Variants in ABR observed in about 807,000 individuals in gnomAD.
The protein encoded by ABR is ABR activator of RhoGEF and GTPase, also known as active breakpoint cluster region-related protein.
ABR carries 35 observed loss-of-function variants against 107.2 expected under a neutral mutation model. The ratio of observed to expected loss-of-function variants is 0.33; its 90% CI spans 0.25 to 0.43. ABR has a LOEUF of 0.43. ABR is among the 20% of genes least tolerant of loss of function. The pLI is 1.00. For missense variants in ABR, 815 were observed against 1,115.2 expected (o/e 0.73, Z 3.83); for synonymous variants, 498 against 462.0 (o/e 1.08, Z -1.00).
intron 1 of ABR, among the ~76,000 whole-genome samples, chr17:1,197,176 G>A (rs2042586957): frequency 6.6e-6 from 1 of 151,712 alleles, no homozygotes; most frequent in Non-Finnish European, 1.5e-5. Context: ...CCCAGGCTCG[G>A]ATGAGCATTG....
chr17:1,202,512 C>T (rs767752523), intron 1 of ABR, among the ~76,000 whole-genome samples: 9 of 152,324 alleles, frequency 5.9e-5, no homozygotes, highest in Admixed American at 1.3e-4. Flanking sequence ...CGTGCCCACT[C>T]ATGATGAAGT....
At position 1,113,277 on chromosome 17, in the gene ABR, G is replaced by GGTTTTTTTTTTTTTTTTTTTTTTT. The variant is rs1416563541; in HGVS notation, c.246+11905_246+11906insAAAAAAAAAAAAAAAAAAAAAAAC. Among the ~76,000 whole-genome samples, 44 of 88,172 alleles carry GGTTTTTTTTTTTTTTTTTTTTTTT rather than the reference G, an allele frequency of 5.0e-4. 20 individuals carry two copies. Among genetic ancestry groups the GGTTTTTTTTTTTTTTTTTTTTTTT allele is most frequent in the Non-Finnish European group, 3.4e-4 (16 of 46,544 alleles). 57.8% of individuals were successfully genotyped at this position (88,172 alleles called of 152,430 possible). A position where few individuals can be genotyped will look rare whatever the true frequency, so the allele number is the denominator to read the frequency against. On this transcript the variant is annotated intron_variant, in intron 2 of 22. Coordinates refer to ENST00000302538, the MANE Select transcript of ABR (RefSeq NM_021962.5). Reference sequence around the variant, plus strand: ...GGGATAACATGGAAACACCTATTGCGATTTTTTTTTTTTTTTTTTTTTTTT... The same window carrying GGTTTTTTTTTTTTTTTTTTTTTTT: ...GGGATAACATGGAAACACCTATTGCGGTTTTTTTTTTTTTTTTTTTTTTTATTTTTTTTTTTTTTTTTTTTTTTT...
intron 1 of ABR, among the ~76,000 whole-genome samples, chr17:1,153,474 G>GTCCAGGCACACCTGCGGGAGGGCTAGGGA (rs2040893409): frequency 1.4e-5 from 1 of 71,478 alleles, no homozygotes; most frequent in Non-Finnish European, 3.0e-5. Context: ...AGGGCTGGGG[G>GTCCAGGCACACCTGCGGGAGGGCTAGGGA]TCCAGGCACA....
At chr17:1,055,087 C>G (rs796288597) in intron 14 of ABR, among the ~76,000 whole-genome samples, 14 of 152,240 alleles carry the variant, frequency 9.2e-5, no homozygotes, top group African/African-American at 3.4e-4. Flanking sequence ...AAAGCGCAAC[C>G]AGGCCGGGCG....
intron 4 of ABR, among the ~76,000 whole-genome samples, chr17:1,091,316 CGGAGCACCCTCCGGGAGGGAGAA>C (rs566395023): frequency 0.13 from 20,158 of 151,854 alleles, 1,378 homozygotes; most frequent in East Asian, 0.2. Flanking sequence ...CCGGGAAAGA[CGGAGCACCCTCCGGGAGGGAGAA>C]GGAGCACCCT....
intron 22 of ABR, among the ~76,000 whole-genome samples, chr17:1,006,786 C>T (rs2241928): frequency 0.36 from 44,819 of 125,416 alleles, 6,479 homozygotes; most frequent in Non-Finnish European, 0.42. Context: ...TGCGCCATGA[C>T]GTCATGGGAC....
At chr17:1,172,166 C>T (rs1016746844) in intron 1 of ABR, among the ~76,000 whole-genome samples, 1 of 152,242 alleles carries the variant, frequency 6.6e-6, no homozygotes. Context: ...CAGGTCTCGA[C>T]CCGGGGACAG....
intron 1 of ABR, among the ~76,000 whole-genome samples, chr17:1,146,511 C>T (rs974060200): frequency 9.2e-5 from 14 of 152,176 alleles, no homozygotes; most frequent in Non-Finnish European, 1.2e-4. Flanking sequence ...CAGTGCGGGG[C>T]ACATGAAGAT....
chr17:1,174,885 C>T (rs971835388), intron 1 of ABR, among the ~76,000 whole-genome samples: 1 of 152,112 alleles, frequency 6.6e-6, no homozygotes, highest in East Asian at 1.9e-4. Flanking sequence ...AGATGATCAA[C>T]CTGCCTGGGG....
At chr17:1,214,341 A>G (rs1276283152) in intron 1 of ABR, among the ~76,000 whole-genome samples, 1 of 151,020 alleles carries the variant, frequency 6.6e-6, no homozygotes, top group Non-Finnish European at 1.5e-5. Context: ...ATGTGTGTGT[A>G]TATATATATA....
chr17:1,045,865 GTTTTC>G (rs981913234), intron 16 of ABR, among the ~76,000 whole-genome samples: 5 of 152,090 alleles, frequency 3.3e-5, no homozygotes, highest in South Asian at 2.1e-4. Flanking sequence ...CCCTCCTGCT[GTTTTC>G]TTTTCTTTTT....
chr17:1,203,159 G>T (rs929435646), intron 1 of ABR, among the ~76,000 whole-genome samples: 6 of 152,106 alleles, frequency 3.9e-5, no homozygotes, highest in Non-Finnish European at 7.4e-5. Flanking sequence ...GTGCTGGGAT[G>T]ACAGGCGTGA....
chr17:1,009,701 A>G lies in ABR; in HGVS notation c.2320T>C (p.Phe774Leu). The G allele has an allele frequency of 6.2e-7, 1 of 1,613,878 alleles. No homozygotes were observed. The highest frequency in any genetic ancestry group is 8.5e-7 in the Non-Finnish European group (1 of 1,179,810). ...LPDPNLITFLFLLEHLKRVAE... is the reference protein window; with the variant it reads ...LPDPNLITFLLLLEHLKRVAE... ...TACCTTTTCAAGTGTTCCAGCAGGA[A>G]GAGGAAGGTGATGAGGTTGGGGTCG... The change falls in exon 21 of 23, where the codon TTC becomes CTC. Residue 774 changes from phenylalanine (F) to leucine (L), a missense_variant. By Grantham distance (22) the Phe-to-Leu change is conservative. This residue lies in a region of ABR where 175 missense variants were observed against 284.3 expected (regional missense o/e 0.62). Coordinates refer to ENST00000302538, the MANE Select transcript of ABR (RefSeq NM_021962.5).
At chr17:1,119,500 G>A (rs62067955) in intron 2 of ABR, among the ~76,000 whole-genome samples, 1 of 79,136 alleles carries the variant, frequency 1.3e-5, no homozygotes, top group Admixed American at 1.3e-4. Flanking sequence ...TCCTCCCAGC[G>A]TTATCCCTGA....
At chr17:1,028,517 C>A (rs949957251) in intron 16 of ABR, among the ~76,000 whole-genome samples, 4 of 152,226 alleles carry the variant, frequency 2.6e-5, no homozygotes, top group Non-Finnish European at 5.9e-5. Context: ...GAGCCTGAAG[C>A]TTCCCCGAAT....
chr17:1,026,419 T>C (rs1219759788), intron 16 of ABR, among the ~76,000 whole-genome samples: 1 of 152,168 alleles, frequency 6.6e-6, no homozygotes, highest in Non-Finnish European at 1.5e-5. Context: ...GTGCCGGTCA[T>C]CGGTACCAGC....
At chr17:1,191,317 AG>A (rs2042427284), upstream of ABR, among the ~76,000 whole-genome samples, 1 of 148,678 alleles carries the variant, frequency 6.7e-6, no homozygotes, top group South Asian at 2.1e-4. Flanking sequence ...ACCCCCGCCT[AG>A]TAACGATGTT....
intron 10 of ABR, among the ~76,000 whole-genome samples, chr17:1,060,095 G>A (rs1252716364): frequency 6.6e-6 from 1 of 152,204 alleles, no homozygotes. Flanking sequence ...CCAAGCGACA[G>A]AGCAGGAGGC....
intron 3 of ABR, among the ~76,000 whole-genome samples, chr17:1,093,527 G>C (rs1176908952): frequency 6.6e-6 from 1 of 152,130 alleles, no homozygotes; most frequent in Non-Finnish European, 1.5e-5. Context: ...CAGGAACAGT[G>C]GGGAAAAGTT....
Sources: allele counts gnomAD v4.1 joint callset (sites outside exome capture counted in the v4.1 genomes callset), GRCh38; gene constraint gnomAD v4.1.1; regional missense constraint gnomAD v4.1.1; transcripts MANE v1.5; gene names NCBI Gene and HGNC (gene_info 2026-07-23, HGNC 2026-07-21).